PTPRM: variants seen among roughly 807,000 people sequenced by gnomAD.
PTPRM encodes protein tyrosine phosphatase receptor type M.
Under a neutral mutation model 186.7 loss-of-function variants are expected in PTPRM, and 47 were observed. That is an observed-to-expected ratio of 0.25 (90% CI 0.20 to 0.32). PTPRM has a LOEUF of 0.32. PTPRM is among the 10% of genes least tolerant of loss of function. The pLI, the probability that PTPRM is intolerant of heterozygous loss-of-function variation, is 1.00. For synonymous variants in PTPRM, 668 were observed against 674.9 expected, an observed-to-expected ratio of 0.99 and a Z score of 0.16; for missense variants, 1,494 against 1,865.0, an observed-to-expected ratio of 0.80 and a Z score of 3.66.
At chr18:8,270,304 G>C (rs1033627843) in intron 19 of PTPRM, 1 of 150,656 alleles carries the variant, frequency 6.6e-6, no homozygotes, top group Non-Finnish European at 1.5e-5. Context: ...ATATACAAAT[G>C]GTCAATAGGT....
chr18:7,769,064 G>A (rs2042151941), intron 1 of PTPRM, among the ~76,000 whole-genome samples: 1 of 152,092 alleles, frequency 6.6e-6, no homozygotes, highest in African/African-American at 2.4e-5. Context: ...TATTGAATGG[G>A]CCCTAAACCT....
Position 7,752,478 on chromosome 18 carries a change from C to T in PTPRM, c.74-21671C>T, listed in dbSNP as rs143023337. Among the ~76,000 whole-genome samples the T allele has an allele frequency of 1.2e-3, 177 of 152,224 alleles. 1 individual carries two copies. The East Asian group carries it at 0.025, about 21-fold the overall frequency. ...TGCTCTTGTCGCCCAGGCTGGAGTGCGATGGCGTGATCTCGGCTCACTGCA... is the reference window on the plus strand; with the variant it reads ...TGCTCTTGTCGCCCAGGCTGGAGTGTGATGGCGTGATCTCGGCTCACTGCA... On this transcript the variant is annotated intron_variant, in intron 1 of 32. Transcript: ENST00000580170.
intron 13 of PTPRM, among the ~76,000 whole-genome samples, chr18:8,119,032 C>G (rs1265179523): frequency 6.6e-6 from 1 of 151,788 alleles, no homozygotes; most frequent in Non-Finnish European, 1.5e-5. Flanking sequence ...TTAGAAAAAT[C>G]AGACTGTAAG....
At chr18:8,147,212 G>A (rs182501100) in intron 14 of PTPRM, among the ~76,000 whole-genome samples, 1 of 152,300 alleles carries the variant, frequency 6.6e-6, no homozygotes, top group Non-Finnish European at 1.5e-5. Flanking sequence ...GATGGAGATA[G>A]CATTGAATTT....
chr18:8,277,907 G>A (rs1254651890), intron 19 of PTPRM, among the ~76,000 whole-genome samples: 4 of 152,210 alleles, frequency 2.6e-5, no homozygotes, highest in African/African-American at 4.8e-5. Flanking sequence ...TATGTTGTGC[G>A]TATCTGTAAG....
At chr18:8,340,909 G>A (rs1017954098) in intron 22 of PTPRM, among the ~76,000 whole-genome samples, 1 of 152,180 alleles carries the variant, frequency 6.6e-6, no homozygotes, top group Non-Finnish European at 1.5e-5. Flanking sequence ...AGCAGCTAGA[G>A]TTGAGAAACA....
chr18:8,046,989 A>G (rs904271366), intron 7 of PTPRM, among the ~76,000 whole-genome samples: 1 of 152,216 alleles, frequency 6.6e-6, no homozygotes, highest in African/African-American at 2.4e-5. Context: ...AGTGACCACT[A>G]GACCAAATAA....
At chr18:7,657,991 G>A (rs902025465) in intron 1 of PTPRM, among the ~76,000 whole-genome samples, 3 of 152,102 alleles carry the variant, frequency 2.0e-5, no homozygotes, top group African/African-American at 4.8e-5. Flanking sequence ...ATTGTGAAAT[G>A]ATTACCACCC....
intron 19 of PTPRM, among the ~76,000 whole-genome samples, chr18:8,260,848 C>T (rs990813688): frequency 6.6e-6 from 1 of 152,210 alleles, no homozygotes; most frequent in Non-Finnish European, 1.5e-5. Flanking sequence ...GAGGAAGGCG[C>T]CCCGGGCATC....
At chr18:7,598,009 G>T (rs1397616121) in intron 1 of PTPRM, among the ~76,000 whole-genome samples, 2 of 152,062 alleles carry the variant, frequency 1.3e-5, no homozygotes, top group Admixed American at 6.6e-5. Flanking sequence ...GGGATATTTT[G>T]CCTTTAAAAA....
intron 11 of PTPRM, among the ~76,000 whole-genome samples, chr18:8,107,915 A>AT (rs1212508473): frequency 6.6e-6 from 1 of 152,100 alleles, no homozygotes; most frequent in Non-Finnish European, 1.5e-5. Context: ...CTGAATTCTG[A>AT]TTTTTTTCCA....
At chr18:8,330,556 G>A (rs1265466747) in intron 22 of PTPRM, among the ~76,000 whole-genome samples, 1 of 152,146 alleles carries the variant, frequency 6.6e-6, no homozygotes, top group East Asian at 1.9e-4. Flanking sequence ...AGCCCCTGAA[G>A]CATATGAATA....
chr18:8,346,860 T>A (rs980585805), intron 23 of PTPRM, among the ~76,000 whole-genome samples: 1 of 150,810 alleles, frequency 6.6e-6, no homozygotes, highest in Non-Finnish European at 1.5e-5. Context: ...AGGGAAGAGA[T>A]GGCCTTGCTC....
chr18:7,763,924 G>A (rs1384789704), intron 1 of PTPRM, among the ~76,000 whole-genome samples: 1 of 151,908 alleles, frequency 6.6e-6, no homozygotes, highest in Non-Finnish European at 1.5e-5. Flanking sequence ...ACTGGCAGCA[G>A]TGCTACTGGG....
At chr18:8,039,711 A>G (rs1270863308) in intron 7 of PTPRM, among the ~76,000 whole-genome samples, 1 of 152,154 alleles carries the variant, frequency 6.6e-6, no homozygotes, top group Non-Finnish European at 1.5e-5. Context: ...AGTATAGAAT[A>G]CATTGTCATT....
intron 4 of PTPRM, among the ~76,000 whole-genome samples, chr18:7,908,000 C>T (rs566670562): frequency 6.6e-6 from 1 of 151,852 alleles, no homozygotes; most frequent in Non-Finnish European, 1.5e-5. Flanking sequence ...TTTAGTGTTT[C>T]CCACAGTTTT....
At chr18:7,906,293 G>A (rs1408171397) in intron 3 of PTPRM, among the ~76,000 whole-genome samples, 1 of 152,058 alleles carries the variant, frequency 6.6e-6, no homozygotes, top group African/African-American at 2.4e-5. Flanking sequence ...TCTGTCTAAC[G>A]CATTCACTAC....
chr18:8,065,524 T>TCAGTGGGCCCA (rs1451647237), intron 7 of PTPRM, among the ~76,000 whole-genome samples: 6 of 152,008 alleles, frequency 3.9e-5, no homozygotes, highest in African/African-American at 1.4e-4. Context: ...TTATCATGAG[T>TCAGTGGGCCCA]CAGTGGGCCC....
At chr18:8,236,745 T>G (rs572726965) in intron 14 of PTPRM, among the ~76,000 whole-genome samples, 5 of 152,072 alleles carry the variant, frequency 3.3e-5, no homozygotes, top group Non-Finnish European at 7.4e-5. Flanking sequence ...TTTCACCATG[T>G]TGCCCAGGGT....
Sources: allele counts gnomAD v4.1 joint callset (sites outside exome capture counted in the v4.1 genomes callset), GRCh38; gene constraint gnomAD v4.1.1; transcripts MANE v1.5; gene names NCBI Gene and HGNC (gene_info 2026-07-23, HGNC 2026-07-21).